The following PCDHA1 variants were observed in gnomAD, a reference collection of about 807,000 sequenced individuals.
The protein encoded by PCDHA1 is protocadherin alpha 1.
In PCDHA1, 42 loss-of-function variants were observed where a neutral mutation model predicts 61.3. The ratio of observed to expected loss-of-function variants is 0.69; its 90% CI spans 0.54 to 0.89. The LOEUF is 0.89. Among genes scored for constraint, PCDHA1 ranks in the 40% least tolerant of loss-of-function variants. PCDHA1 has a pLI of 0.00. For synonymous variants in PCDHA1, 610 were observed against 553.8 expected (o/e 1.10, Z -1.43); for missense variants, 1,256 against 1,235.3 (o/e 1.02, Z -0.25).
In PCDHA1 at chr5:140,852,643, C is replaced by T. The variant is rs2150521089; in HGVS notation, c.2394+63959C>T. 453 of 958,790 alleles carry T rather than the reference C, an allele frequency of 4.7e-4. 23 individuals carry two copies. The African/African-American group carries it at 7.6e-3, about 16-fold the overall frequency. 59.4% of individuals were successfully genotyped at this position (958,790 alleles called of 1,614,324 possible). ...TGGTCTCTGAGCTCCTGTCATTAAA[C>T]CTATCTATATCTGTCTATCAGCACA... is the stretch of plus-strand genomic sequence containing the variant. On this transcript the variant is annotated intron_variant, in intron 1 of 3. Transcript: ENST00000504120.
Position 140,858,425 on chromosome 5 carries a change from C to A in PCDHA1, c.2394+69741C>A, listed in dbSNP as rs373682195. Reference sequence around the variant, plus strand: ...GGAAGATCAGTCTATTGGAGGGGACCACTCTAGGAAGGTGGGTTATTACGT... The same window carrying A: ...GGAAGATCAGTCTATTGGAGGGGACAACTCTAGGAAGGTGGGTTATTACGT... On this transcript the variant is annotated intron_variant, in intron 1 of 3. Coordinates refer to ENST00000504120, the MANE Select transcript of PCDHA1 (RefSeq NM_018900.4). The A allele has an allele frequency of 1.2e-5, 18 of 1,552,696 alleles. 1 individual carries two copies. In the African/African-American group the frequency reaches 2.3e-4, roughly 20 times the overall value.
chr5:140,829,595 C>G (rs147522996), intron 1 of PCDHA1: 3 of 1,611,886 alleles, frequency 1.9e-6, no homozygotes, highest in Non-Finnish European at 2.5e-6. Flanking sequence ...GGTGGGCGAG[C>G]GCGCGTTGTC....
At chr5:140,970,252 T>A (rs2096392828) in intron 1 of PCDHA1, among the ~76,000 whole-genome samples, 1 of 152,234 alleles carries the variant, frequency 6.6e-6, no homozygotes, top group Non-Finnish European at 1.5e-5. Context: ...GTTGACAGTT[T>A]CTATGGTTTT....
At chr5:140,830,014 C>A (rs2150179616) in intron 1 of PCDHA1, 1 of 1,613,898 alleles carries the variant, frequency 6.2e-7, no homozygotes, top group South Asian at 1.1e-5. Context: ...ACGAAGCGGA[C>A]TCTCCGCGCC....
At chr5:140,803,164 A>T in intron 1 of PCDHA1, 1 of 1,613,870 alleles carries the variant, frequency 6.2e-7, no homozygotes, top group South Asian at 1.1e-5. Context: ...GACCACGGTG[A>T]ACCCTCATTG....
At chr5:140,933,988 G>C (rs1156532752) in intron 1 of PCDHA1, among the ~76,000 whole-genome samples, 1 of 151,832 alleles carries the variant, frequency 6.6e-6, no homozygotes, top group Non-Finnish European at 1.5e-5. Context: ...CCTGGTGTTA[G>C]TGTCACCTCT....
rs1554262721 is a variant in PCDHA1, at chr5:141,010,165, GA to G, written c.*230del. ...TTCTCTCCACTCTGGCTTGTTTTCA[GA>G]ACCTAAAAAGCAGACCCAAGTTTCC... On this transcript the variant is annotated 3_prime_UTR_variant, in exon 4 of 4. Coordinates refer to ENST00000504120, the MANE Select transcript of PCDHA1 (RefSeq NM_018900.4). The G allele has an allele frequency of 1.9e-6, 3 of 1,563,714 alleles. No homozygotes were observed.
chr5:140,893,725 C>A (rs782492563), intron 1 of PCDHA1, among the ~76,000 whole-genome samples: 4 of 152,154 alleles, frequency 2.6e-5, no homozygotes, highest in Non-Finnish European at 5.9e-5. Context: ...GCTGAGAAAT[C>A]TGCTGTTAGT....
intron 1 of PCDHA1, chr5:140,812,147 T>TTTGTTGGTGTTGTTG (rs1765044275): frequency 6.6e-6 from 1 of 150,790 alleles, no homozygotes; most frequent in Non-Finnish European, 1.5e-5. Flanking sequence ...GTTTTGGGCT[T>TTTGTTGGTGTTGTTG]TTGTTGTTGT....
rs782226254 is a variant in PCDHA1 at position 140,882,345 on chromosome 5, C to T, written c.2394+93661C>T. The T allele has an allele frequency of 6.8e-6, 11 of 1,614,042 alleles. No homozygotes were observed. In the Admixed American group the frequency reaches 1.5e-4, roughly 22 times the overall value. Reference sequence around the variant, plus strand: ...CTTCTGATCCTCGCAGCCTGGGAGACGGGTAGTGGCCAGCTCCACTACTCC... The same window carrying T: ...CTTCTGATCCTCGCAGCCTGGGAGATGGGTAGTGGCCAGCTCCACTACTCC... On this transcript the variant is annotated intron_variant, in intron 1 of 3. Transcript: ENST00000504120.
chr5:140,889,103 T>C (rs1554183781), intron 1 of PCDHA1, among the ~76,000 whole-genome samples: 2 of 151,990 alleles, frequency 1.3e-5, no homozygotes. Flanking sequence ...TTTTTTCATC[T>C]TTATTCCAGG....
chr5:140,968,209 C>G (rs781795931), intron 1 of PCDHA1: 5 of 1,614,002 alleles, frequency 3.1e-6, no homozygotes, highest in Non-Finnish European at 4.2e-6. Context: ...TACAGGAGAA[C>G]AATTTGCCAG....
At chr5:140,876,174 T>G (rs957879450) in intron 1 of PCDHA1, 2 of 1,613,816 alleles carry the variant, frequency 1.2e-6, no homozygotes, top group African/African-American at 2.7e-5. Flanking sequence ...CCGTCCTGGA[T>G]GTGAATGACA....
intron 1 of PCDHA1, chr5:140,822,208 A>G (rs949337780): frequency 1.2e-6 from 2 of 1,614,272 alleles, no homozygotes; most frequent in Non-Finnish European, 8.5e-7. Context: ...TTTAGAGTCA[A>G]GAATGCCAGA....
chr5:140,942,901 A>T (rs1361297196), intron 1 of PCDHA1, among the ~76,000 whole-genome samples: 1 of 152,094 alleles, frequency 6.6e-6, no homozygotes, highest in East Asian at 1.9e-4. Context: ...TATCTCTAAG[A>T]ATAAGCGTGA....
intron 1 of PCDHA1, chr5:140,884,544 G>A (rs1554181708): frequency 6.2e-7 from 1 of 1,614,222 alleles, no homozygotes; most frequent in East Asian, 2.2e-5. Flanking sequence ...CCGAGGGTGT[G>A]CTCTGGGGAG....
intron 1 of PCDHA1, among the ~76,000 whole-genome samples, chr5:140,889,342 A>G (rs1418641372): frequency 6.6e-6 from 1 of 152,018 alleles, no homozygotes; most frequent in East Asian, 1.9e-4. Context: ...GATTGGTGGG[A>G]ATATTTCTGA....
chr5:140,993,446 TCTC>T (rs1262965335), intron 3 of PCDHA1, among the ~76,000 whole-genome samples: 4 of 146,376 alleles, frequency 2.7e-5, no homozygotes, highest in Non-Finnish European at 6.0e-5. Flanking sequence ...TCATTCCTGT[TCTC>T]CTTCTTTCTT....
intron 1 of PCDHA1, chr5:140,847,751 C>T (rs1781170062): frequency 1.3e-5 from 2 of 149,804 alleles, no homozygotes; most frequent in Non-Finnish European, 3.0e-5. Context: ...CCCCACGCAA[C>T]ACAAGACCTT....
Sources: allele counts gnomAD v4.1 joint callset (sites outside exome capture counted in the v4.1 genomes callset), GRCh38; gene constraint gnomAD v4.1.1; transcripts MANE v1.5; gene names NCBI Gene and HGNC (gene_info 2026-07-23, HGNC 2026-07-21).